The following SRPK1 variants were observed in gnomAD, a reference collection of about 807,000 sequenced individuals.
The protein encoded by SRPK1 is SRSF protein kinase 1.
In SRPK1, 52 loss-of-function variants were observed where a neutral mutation model predicts 89.5. That is an observed-to-expected ratio of 0.58 (90% CI 0.46 to 0.73). The LOEUF is 0.73. Ranked by LOEUF, SRPK1 falls within the 30% of genes least tolerant of loss-of-function variation. SRPK1 has a pLI of 0.00. For missense variants in SRPK1, 603 were observed against 780.6 expected, an observed-to-expected ratio of 0.77 and a Z score of 2.71; for synonymous variants, 255 against 270.2, an observed-to-expected ratio of 0.94 and a Z score of 0.55.
At chr6:35,837,499 C>T (rs1199537628) in intron 15 of SRPK1, among the ~76,000 whole-genome samples, 1 of 152,198 alleles carries the variant, frequency 6.6e-6, no homozygotes, top group Non-Finnish European at 1.5e-5. Flanking sequence ...ACAGTTAGAT[C>T]CTGTCAAAGG....
intron 9 of SRPK1, among the ~76,000 whole-genome samples, 151 bp from the exon 10 acceptor site, chr6:35,870,645 C>A (rs140054525): frequency 6.6e-6 from 1 of 152,186 alleles, no homozygotes; most frequent in East Asian, 1.9e-4. Context: ...TTAAAAGATG[C>A]GGGATACTCT....
chr6:35,855,472 C>T (rs758589816), intron 13 of SRPK1, among the ~76,000 whole-genome samples: 2 of 152,108 alleles, frequency 1.3e-5, no homozygotes, highest in Non-Finnish European at 2.9e-5. Context: ...TGTTATCTGC[C>T]CTCTTTCTCA....
intron 2 of SRPK1, among the ~76,000 whole-genome samples, chr6:35,901,951 T>A (rs1330588651): frequency 6.6e-6 from 1 of 151,050 alleles, no homozygotes; most frequent in Non-Finnish European, 1.5e-5. Flanking sequence ...AGTGCCTAAG[T>A]TTATCAGGTG....
intron 4 of SRPK1, 31 bp from the exon 5 acceptor site, chr6:35,888,142 CA>C: frequency 6.9e-7 from 1 of 1,447,380 alleles, no homozygotes; most frequent in Non-Finnish European, 9.6e-7. Flanking sequence ...ATTAAGACTA[CA>C]TAGCCTACCC....
intron 6 of SRPK1, among the ~76,000 whole-genome samples, chr6:35,879,349 C>A (rs977344805): frequency 3.3e-5 from 5 of 151,938 alleles, no homozygotes; most frequent in Non-Finnish European, 5.9e-5. Flanking sequence ...GGGGTTGAGA[C>A]CAGCCTGGGC....
chr6:35,835,177 T>TA lies in SRPK1; in HGVS notation c.*126dup, dbSNP rs530585321. 23,993 of 763,710 alleles carry TA rather than the reference T, an allele frequency of 0.031. 43 individuals carry two copies. The highest frequency in any genetic ancestry group is 0.033 in the Non-Finnish European group (17,225 of 521,454). The allele number at this position is 763,710 out of a possible 1,614,324, so 47.3% of individuals were successfully genotyped here. A position where few individuals can be genotyped will look rare whatever the true frequency, so the allele number is the denominator to read the frequency against. ...GCAAACCCAAATGAACATGTTGGATTAAAAAAAAAACAAGATCTAGAAACT... is the reference window on the plus strand; with the variant it reads ...GCAAACCCAAATGAACATGTTGGATTAAAAAAAAAAACAAGATCTAGAAACT... On this transcript the variant is annotated 3_prime_UTR_variant, in exon 16 of 16. Transcript: ENST00000373825.
chr6:35,914,563 T>C (rs985686539), intron 2 of SRPK1, among the ~76,000 whole-genome samples: 4 of 152,188 alleles, frequency 2.6e-5, no homozygotes, highest in African/African-American at 9.7e-5. Context: ...CTTATCTCCA[T>C]TTCTCAACCC....
At chr6:35,907,309 T>C (rs1770868189) in intron 2 of SRPK1, among the ~76,000 whole-genome samples, 1 of 152,166 alleles carries the variant, frequency 6.6e-6, no homozygotes, top group African/African-American at 2.4e-5. Flanking sequence ...TAAAGACTTG[T>C]TTAAAAAAAT....
At position 35,874,240 on chromosome 6, in the gene SRPK1, A is replaced by G; in HGVS notation, c.578T>C (p.Ile193Thr). ...CTGATTCAAGATACATACTTGCTGA[A>G]TAATTTTTTTGACACAAGGCAGTGG... ...GLPLPCVKKIIQQVLQGLDYL... is the reference protein window; with the variant it reads ...GLPLPCVKKITQQVLQGLDYL... Residue 193 changes from isoleucine (I) to threonine (T), a missense_variant, in exon 7 of 16, where the codon ATT becomes ACT. Ile to Thr is a moderately conservative substitution (Grantham distance 89, BLOSUM62 -1). Transcript: ENST00000373825. The G allele has an allele frequency of 1.2e-6, 2 of 1,609,804 alleles. No homozygotes were observed. Among genetic ancestry groups the G allele is most frequent in the Non-Finnish European group, 1.7e-6 (2 of 1,177,292 alleles).
chr6:35,919,214 A>C (rs183836218), intron 2 of SRPK1, among the ~76,000 whole-genome samples: 84 of 152,344 alleles, frequency 5.5e-4, no homozygotes, highest in African/African-American at 1.8e-3. Flanking sequence ...CATTTACAAG[A>C]CTTCGTCACC....
At chr6:35,866,704 A>C (rs1769912454) in intron 12 of SRPK1, among the ~76,000 whole-genome samples, 2 of 152,240 alleles carry the variant, frequency 1.3e-5, no homozygotes, top group Admixed American at 1.3e-4. Context: ...AAAATAAATC[A>C]TATCAAAAAT....
chr6:35,893,034 A>G (rs1441068867), intron 2 of SRPK1, among the ~76,000 whole-genome samples: 1 of 152,190 alleles, frequency 6.6e-6, no homozygotes, highest in Non-Finnish European at 1.5e-5. Context: ...TTCAATGTTC[A>G]TTGTAACTGA....
At chr6:35,865,934 C>A (rs887513080) in intron 12 of SRPK1, among the ~76,000 whole-genome samples, 6 of 151,588 alleles carry the variant, frequency 4.0e-5, no homozygotes, top group East Asian at 1.9e-4. Flanking sequence ...AGGCAACCTA[C>A]AAAATGGGAG....
At chr6:35,879,870 A>C (rs749340726) in intron 6 of SRPK1, among the ~76,000 whole-genome samples, 1 of 151,950 alleles carries the variant, frequency 6.6e-6, no homozygotes, top group Non-Finnish European at 1.5e-5. Flanking sequence ...CCAGGAGTTC[A>C]AGACCAACCT....
intron 2 of SRPK1, among the ~76,000 whole-genome samples, chr6:35,915,611 ACAC>A (rs1367596310): frequency 6.6e-6 from 1 of 152,148 alleles, no homozygotes; most frequent in African/African-American, 2.4e-5. Flanking sequence ...AATATTTAAT[ACAC>A]GAAAAATACT....
intron 6 of SRPK1, among the ~76,000 whole-genome samples, chr6:35,883,955 G>C (rs888044293): frequency 4.6e-5 from 7 of 151,806 alleles, no homozygotes; most frequent in Non-Finnish European, 7.4e-5. Context: ...AGATGGTCTC[G>C]GTCTCCTGAC....
chr6:35,866,494 G>A (rs747138911), intron 12 of SRPK1, among the ~76,000 whole-genome samples: 14 of 152,152 alleles, frequency 9.2e-5, no homozygotes, highest in Non-Finnish European at 1.8e-4. Context: ...GGTGAGGCAG[G>A]AGAATTGCTT....
chr6:35,857,273 G>C lies in SRPK1; in HGVS notation c.1608C>G (p.Ser536Arg), dbSNP rs1449218454. ...GAAAAAACATTACCATGCATGCCGT[G>C]CTCCAAATGTCAGCAGGGGTATTAT... ...SGYNTPADIW[S>R]TACMAFELAT... is the part of the protein sequence containing the mutation. The change falls in exon 13 of 16, where the codon AGC (serine) becomes AGG (arginine). Residue 536 changes from serine to arginine, a missense_variant. By Grantham distance (110) the Ser-to-Arg change is moderately radical. Coordinates refer to ENST00000373825, the MANE Select transcript of SRPK1 (RefSeq NM_003137.5). 6.2e-7 allele frequency: 1 copy of C among 1,611,634 alleles called. No homozygotes were observed. Among genetic ancestry groups the C allele is most frequent in the African/African-American group, 1.3e-5 (1 of 74,912 alleles).
At chr6:35,883,695 T>C (rs533939094) in intron 6 of SRPK1, among the ~76,000 whole-genome samples, 31 of 151,148 alleles carry the variant, frequency 2.1e-4, no homozygotes, top group Admixed American at 9.2e-4. Context: ...AGAAAGCTAA[T>C]GAGTAGCAAT....
Sources: allele counts gnomAD v4.1 joint callset (sites outside exome capture counted in the v4.1 genomes callset), GRCh38; gene constraint gnomAD v4.1.1; transcripts MANE v1.5; gene names NCBI Gene and HGNC (gene_info 2026-07-23, HGNC 2026-07-21).